Variants in NBAS observed in about 807,000 individuals in gnomAD.
The protein encoded by NBAS is NAG/BC035112 fusion.
Under a neutral mutation model 302.5 loss-of-function variants are expected in NBAS, and 219 were observed. That is an observed-to-expected ratio of 0.72 (90% CI 0.65 to 0.81). NBAS has a LOEUF of 0.81. Ranked by LOEUF, NBAS falls within the 30% of genes least tolerant of loss-of-function variation. The probability of loss-of-function intolerance (pLI) is 0.00; values close to 1 mark genes in which losing one functional copy is unlikely to be tolerated. For missense variants in NBAS, 2,932 were observed against 2,841.6 expected (o/e 1.03, Z -0.72); for synonymous variants, 1,118 against 1,021.6 (o/e 1.09, Z -1.80).
chr2:15,319,167 G>A (rs1671665640), intron 38 of NBAS, among the ~76,000 whole-genome samples: 1 of 152,136 alleles, frequency 6.6e-6, no homozygotes, highest in South Asian at 2.1e-4. Flanking sequence ...ATAACGAAAT[G>A]AAGGCAGAAA....
At position 15,235,745 on chromosome 2, in the gene NBAS, G is replaced by A. The variant is rs1572498786; in HGVS notation, c.5944-998C>T. Among the ~76,000 whole-genome samples, 4 of 152,308 alleles carry A rather than the reference G, an allele frequency of 2.6e-5. No homozygotes were observed. In the East Asian group the frequency reaches 7.7e-4, roughly 29 times the overall value. On this transcript the variant is annotated intron_variant, in intron 45 of 51. Coordinates refer to ENST00000281513, the MANE Select transcript of NBAS (RefSeq NM_015909.4). ...AAGAGCAAGGTGAGGGAAGGCAGCG[G>A]TATGCATGAAGATTGGGCACGTTCT...
At chr2:14,824,133 C>T in the NBAS span, among the ~76,000 whole-genome samples, 1 of 152,148 alleles carries the variant, frequency 6.6e-6, no homozygotes, top group Non-Finnish European at 1.5e-5. Context: ...CTCAGGTGAT[C>T]GCACTTAGTC....
chr2:15,098,440 T>C, the NBAS span, among the ~76,000 whole-genome samples: 2 of 99,224 alleles, frequency 2.0e-5, no homozygotes, highest in African/African-American at 8.5e-5. Flanking sequence ...TTATATATTG[T>C]ATATTGTATA....
At chr2:14,786,179 AT>A in the NBAS span, among the ~76,000 whole-genome samples, 1 of 151,948 alleles carries the variant, frequency 6.6e-6, no homozygotes, top group African/African-American at 2.4e-5. Flanking sequence ...CCCCTTTATC[AT>A]TTTTTATTGT....
the NBAS span, among the ~76,000 whole-genome samples, chr2:14,818,030 CG>C: frequency 6.6e-6 from 1 of 152,118 alleles, no homozygotes; most frequent in Non-Finnish European, 1.5e-5. Context: ...TTCCCACCCA[CG>C]AAGTTCACAA....
At chr2:15,084,435 T>A in the NBAS span, among the ~76,000 whole-genome samples, 87,014 of 152,142 alleles carry the variant, frequency 0.57, 27,580 homozygotes, top group African/African-American at 0.86. Context: ...AGCTATCATT[T>A]GTTAATTAAT....
At chr2:15,138,066 G>C in the NBAS span, among the ~76,000 whole-genome samples, 60,053 of 152,008 alleles carry the variant, frequency 0.4, 12,843 homozygotes, top group Non-Finnish European at 0.49. Context: ...GAATGGTCCA[G>C]CAAGTCCCTG....
chr2:15,175,117 C>A (rs888971337), intron 51 of NBAS, among the ~76,000 whole-genome samples: 11 of 152,158 alleles, frequency 7.2e-5, no homozygotes, highest in Admixed American at 2.0e-4. Flanking sequence ...CAGGCACCCA[C>A]CACCACAACT....
the NBAS span, among the ~76,000 whole-genome samples, chr2:14,791,213 A>T: frequency 6.6e-6 from 1 of 150,450 alleles, no homozygotes; most frequent in Non-Finnish European, 1.5e-5. Flanking sequence ...CTGGTCTTGA[A>T]CCCCCAACCT....
At chr2:15,358,793 A>G (rs1006214663) in intron 32 of NBAS, among the ~76,000 whole-genome samples, 11 of 152,114 alleles carry the variant, frequency 7.2e-5, no homozygotes, top group African/African-American at 2.7e-4. Flanking sequence ...TGATCTGCAA[A>G]AGCCACAAAA....
intron 6 of NBAS, among the ~76,000 whole-genome samples, chr2:15,545,054 C>A (rs893570256): frequency 1.2e-4 from 18 of 151,824 alleles, no homozygotes; most frequent in African/African-American, 4.3e-4. Context: ...TACCCAAGAA[C>A]CAAATTCTTT....
chr2:15,427,837 T>C, intron 21 of NBAS, 43 bp from the exon 22 acceptor site: 1 of 1,449,560 alleles, frequency 6.9e-7, no homozygotes, highest in Non-Finnish European at 9.6e-7. Flanking sequence ...TCACATTACC[T>C]CAATGACTTA....
chr2:15,351,547 G>A (rs567214457), intron 35 of NBAS, among the ~76,000 whole-genome samples: 1 of 152,052 alleles, frequency 6.6e-6, no homozygotes, highest in Admixed American at 6.6e-5. Flanking sequence ...GTGTGGTGGC[G>A]CTCACCTGTA....
chr2:15,473,037 C>G (rs1423504415), intron 16 of NBAS, among the ~76,000 whole-genome samples, 185 bp downstream of exon 16: 4 of 152,142 alleles, frequency 2.6e-5, no homozygotes, highest in African/African-American at 9.7e-5. Flanking sequence ...TATTCAGCAT[C>G]AAAGTCCAGT....
chr2:15,163,482 A>C (rs1663943586), downstream of NBAS, among the ~76,000 whole-genome samples: 1 of 152,164 alleles, frequency 6.6e-6, no homozygotes, highest in Non-Finnish European at 1.5e-5. Context: ...AATGGGTCAG[A>C]CTGGGAGGGA....
intron 46 of NBAS, among the ~76,000 whole-genome samples, chr2:15,232,964 T>C (rs1667442687): frequency 6.6e-6 from 1 of 152,082 alleles, no homozygotes. Flanking sequence ...CAACATCCTA[T>C]GAGACAAGTA....
chr2:15,293,392 T>C (rs1400634866), intron 40 of NBAS, among the ~76,000 whole-genome samples: 1 of 152,210 alleles, frequency 6.6e-6, no homozygotes, highest in East Asian at 1.9e-4. Flanking sequence ...TATTCTACGA[T>C]TCTTAGCAGC....
chr2:14,973,368 C>T, the NBAS span, among the ~76,000 whole-genome samples: 1 of 152,090 alleles, frequency 6.6e-6, no homozygotes, highest in Non-Finnish European at 1.5e-5. Context: ...TAAAATAAAC[C>T]TCTACGAAGA....
chr2:15,337,432 C>T (rs1217555812), intron 35 of NBAS, among the ~76,000 whole-genome samples: 2 of 151,796 alleles, frequency 1.3e-5, no homozygotes, highest in Non-Finnish European at 2.9e-5. Context: ...CAAATACCAC[C>T]TGTTCCCCAA....
Sources: allele counts gnomAD v4.1 joint callset (sites outside exome capture counted in the v4.1 genomes callset), GRCh38; gene constraint gnomAD v4.1.1; transcripts MANE v1.5; gene names NCBI Gene and HGNC (gene_info 2026-07-23, HGNC 2026-07-21).